Variants in PYGO1 observed in about 807,000 individuals in gnomAD.
The protein encoded by PYGO1 is pygopus homolog 1.
A neutral mutation model predicts 29.5 loss-of-function variants in PYGO1; 6 were observed. That is an observed-to-expected ratio of 0.20 (90% confidence interval 0.11 to 0.40). PYGO1 has a LOEUF of 0.40. Ranked by LOEUF, PYGO1 falls within the 10% of genes least tolerant of loss-of-function variation. PYGO1 has a pLI of 1.00. For missense variants in PYGO1, 515 were observed against 514.9 expected (o/e 1.00, Z 0.00); for synonymous variants, 186 against 180.5 (o/e 1.03, Z -0.24).
chr15:55,552,259 G>A (rs149512508), intron 1 of PYGO1, among the ~76,000 whole-genome samples: 16 of 151,308 alleles, frequency 1.1e-4, no homozygotes, highest in African/African-American at 3.9e-4. Flanking sequence ...GGAGGCTAAG[G>A]CAGGGAGAAT....
Position 55,546,900 on chromosome 15 carries a change from G to A in PYGO1, c.383C>T (p.Pro128Leu). Residue 128 changes from proline to leucine, a missense_variant, in exon 3 of 3, where the codon CCA becomes CTA. By Grantham distance (98) the Pro-to-Leu change is moderately conservative. Transcript: ENST00000563719. ...YCGPYSLRNQ[P>L]HPFPQNPLGM... ...CAGAGGATTCTGAGGAAATGGGTGT[G>A]GCTGGTTCCTGAGTGAGTAAGGACC... is the stretch of plus-strand genomic sequence containing the variant. 6.2e-7 allele frequency: 1 copy of A among 1,614,148 alleles called. No individual in the cohort carries two copies. Among genetic ancestry groups the A allele is most frequent in the Non-Finnish European group, 8.5e-7 (1 of 1,180,028 alleles).
chr15:55,572,853 G>T (rs1408431939), intron 1 of PYGO1, among the ~76,000 whole-genome samples: 2 of 151,910 alleles, frequency 1.3e-5, no homozygotes, highest in Middle Eastern at 3.4e-3. Context: ...CATTTCTTAG[G>T]ATGTATTATC....
chr15:55,569,752 G>A (rs2058972867), intron 1 of PYGO1, among the ~76,000 whole-genome samples: 1 of 152,196 alleles, frequency 6.6e-6, no homozygotes, highest in Non-Finnish European at 1.5e-5. Flanking sequence ...GTGCAGATGA[G>A]AAGAATGTAT....
chr15:55,577,902 G>A (rs549925164), intron 1 of PYGO1, among the ~76,000 whole-genome samples: 7 of 151,876 alleles, frequency 4.6e-5, no homozygotes, highest in African/African-American at 1.4e-4. Flanking sequence ...AGCCTCCCGA[G>A]CAGCTGGGAT....
Position 55,587,954 on chromosome 15 carries a change from C to T in PYGO1, c.-71G>A. ...TCTCTTTGATGCTGCGGCGGCGGCT[C>T]CTCCTCCTCGCGGGGCCGCTGCGGC... is the stretch of plus-strand genomic sequence containing the variant. On this transcript the variant is annotated 5_prime_UTR_variant, in exon 1 of 3. Transcript: ENST00000563719. 1.4e-6 allele frequency: 2 copies of T among 1,437,902 alleles called. No homozygotes were observed. The highest frequency in any genetic ancestry group is 2.3e-5 in the Admixed American group (1 of 43,132). The allele number at this position is 1,437,902 out of a possible 1,614,324, so 89.1% of individuals were successfully genotyped here. A position where few individuals can be genotyped will look rare whatever the true frequency, so the allele number is the denominator to read the frequency against.
chr15:55,583,411 A>C (rs1293277667), intron 1 of PYGO1, among the ~76,000 whole-genome samples: 1 of 149,208 alleles, frequency 6.7e-6, no homozygotes, highest in Non-Finnish European at 1.5e-5. Flanking sequence ...TCTCTTGACT[A>C]TCTTTTTAAG....
At chr15:55,549,596 G>C (rs1028027866) in intron 1 of PYGO1, among the ~76,000 whole-genome samples, 1 of 152,132 alleles carries the variant, frequency 6.6e-6, no homozygotes, top group African/African-American at 2.4e-5. Context: ...AATGCCTTTA[G>C]AGAGATTTAC....
rs1015996626 is a variant in PYGO1, at chr15:55,541,277, A to G, written c.*4746T>C. 1.3e-5 allele frequency: 2 copies of G among 152,158 alleles called. No individual in the cohort carries two copies. The allele number at this position is 152,158 out of a possible 1,614,324, so 9.4% of individuals were successfully genotyped here. ...GCTTCCAAATTCCCATCACTGTACCATAAGTTGGAAGATGCAGATGTGACT... is the reference window on the plus strand; with the variant it reads ...GCTTCCAAATTCCCATCACTGTACCGTAAGTTGGAAGATGCAGATGTGACT... On this transcript the variant is annotated 3_prime_UTR_variant, in exon 3 of 3. Transcript: ENST00000563719.
Position 55,546,663 on chromosome 15 carries a change from C to G in PYGO1, c.620G>C (p.Gly207Ala). 6.2e-7 allele frequency: 1 copy of G among 1,613,892 alleles called. No homozygotes were observed. Among genetic ancestry groups the G allele is most frequent in the Non-Finnish European group, 8.5e-7 (1 of 1,179,948 alleles). ...CGGAGAAGTAAAATTTGAATTATTT[C>G]CAGGAACAAAATTAGATGCCAAATC... The part of the protein sequence containing the change: ...NPDLASNFVP[G>A]NNSNFTSPLE... The change falls in exon 3 of 3, where the codon GGA becomes GCA. Residue 207 changes from glycine to alanine, a missense_variant. Gly to Ala is a moderately conservative substitution (Grantham distance 60, BLOSUM62 0). Coordinates refer to ENST00000563719, the MANE Select transcript of PYGO1 (RefSeq NM_001367806.1).
At chr15:55,563,817 G>C (rs2058943619) in intron 1 of PYGO1, among the ~76,000 whole-genome samples, 1 of 152,164 alleles carries the variant, frequency 6.6e-6, no homozygotes, top group Non-Finnish European at 1.5e-5. Context: ...ATGAAAAGAT[G>C]CTCAGCACCA....
At chr15:55,581,376 G>C (rs763498366) in intron 1 of PYGO1, among the ~76,000 whole-genome samples, 6 of 152,192 alleles carry the variant, frequency 3.9e-5, no homozygotes, top group African/African-American at 7.2e-5. Flanking sequence ...GCACTTCATG[G>C]AGTGTGAAGA....
At chr15:55,583,949 CACT>C (rs1196342299) in intron 1 of PYGO1, among the ~76,000 whole-genome samples, 3 of 152,180 alleles carry the variant, frequency 2.0e-5, no homozygotes, top group African/African-American at 7.2e-5. Context: ...AAAGAACACT[CACT>C]ACTTCTTAGA....
At chr15:55,561,459 C>T (rs764924486) in intron 1 of PYGO1, among the ~76,000 whole-genome samples, 17 of 152,186 alleles carry the variant, frequency 1.1e-4, no homozygotes, top group Non-Finnish European at 1.8e-4. Context: ...CAGGCACCTT[C>T]TTCACAAAGT....
chr15:55,574,922 T>A (rs940996427), intron 1 of PYGO1, among the ~76,000 whole-genome samples: 3 of 152,156 alleles, frequency 2.0e-5, no homozygotes, highest in African/African-American at 7.2e-5. Context: ...ACCAGATTGT[T>A]ACAAAACTGA....
At position 55,563,297 on chromosome 15, in the gene PYGO1, C is replaced by G. The variant is rs533079736; in HGVS notation, c.50-14302G>C. Among the ~76,000 whole-genome samples, 3 of 152,086 alleles carry G rather than the reference C, an allele frequency of 2.0e-5. No homozygotes were observed. The East Asian group carries it at 5.8e-4, about 29-fold the overall frequency. On this transcript the variant is annotated intron_variant, in intron 1 of 2. Transcript: ENST00000563719. Reference sequence around the variant, plus strand: ...CGGCCAAAGGTTTGTCTTTTTCCCCCCTCCAAATGTATCTTTTATTTCAAT... The same window carrying G: ...CGGCCAAAGGTTTGTCTTTTTCCCCGCTCCAAATGTATCTTTTATTTCAAT...
Position 55,541,214 on chromosome 15 carries a change from G to C in PYGO1, c.*4809C>G, listed in dbSNP as rs528831801. On this transcript the variant is annotated 3_prime_UTR_variant, in exon 3 of 3. Transcript: ENST00000563719. ...TTCCCCTATACCACTTGTCTTGGGA[G>C]ATGTTAATGCTATCCCTAGCCTCTT... 1 of 152,320 alleles carries C rather than the reference G, an allele frequency of 6.6e-6. No homozygotes were observed. The highest frequency in any genetic ancestry group is 2.4e-5 in the African/African-American group (1 of 41,582). The allele number at this position is 152,320 out of a possible 1,614,324, so 9.4% of individuals were successfully genotyped here. A position where few individuals can be genotyped will look rare whatever the true frequency, so the allele number is the denominator to read the frequency against.
At chr15:55,565,491 G>T (rs1012183773) in intron 1 of PYGO1, among the ~76,000 whole-genome samples, 4 of 151,864 alleles carry the variant, frequency 2.6e-5, no homozygotes, top group African/African-American at 9.7e-5. Flanking sequence ...ACTACCTGAG[G>T]TCAGGAGTTC....
rs2058820375 is a variant in PYGO1 at position 55,539,524 on chromosome 15, T to G, written c.*6499A>C. 1.3e-5 allele frequency: 2 copies of G among 152,114 alleles called. No homozygotes were observed. 9.4% of individuals were successfully genotyped at this position (152,114 alleles called of 1,614,324 possible). A position where few individuals can be genotyped will look rare whatever the true frequency, so the allele number is the denominator to read the frequency against. ...AAAGCAGTTCATGAATTAATAATAC[T>G]TCTTTAGACGTCTATGATCTAAATA... On this transcript the variant is annotated 3_prime_UTR_variant, in exon 3 of 3. Coordinates refer to ENST00000563719, the MANE Select transcript of PYGO1 (RefSeq NM_001367806.1).
chr15:55,585,023 A>G (rs1332989726), intron 1 of PYGO1, among the ~76,000 whole-genome samples: 2 of 152,202 alleles, frequency 1.3e-5, no homozygotes, highest in Non-Finnish European at 2.9e-5. Flanking sequence ...CCACGAATCT[A>G]TATTTTAATA....
Sources: gnomAD v4.1 joint callset for allele counts (sites outside exome capture counted in the v4.1 genomes callset) on GRCh38, gnomAD v4.1.1 for gene constraint, MANE v1.5 for transcripts, NCBI Gene and HGNC (gene_info 2026-07-23, HGNC 2026-07-21) for gene names.